Variants in ERAP1 observed in about 807,000 individuals in gnomAD.
ERAP1 encodes the protein adipocyte-derived leucine aminopeptidase.
In ERAP1, 86 loss-of-function variants were observed where a neutral mutation model predicts 103.7. The ratio of observed to expected loss-of-function variants is 0.83; its 90% CI spans 0.70 to 0.99. The LOEUF is 0.99. Among genes scored for constraint, ERAP1 ranks in the 50% least tolerant of loss-of-function variants. ERAP1 has a pLI of 0.00. For synonymous variants in ERAP1, 398 were observed against 402.4 expected, an observed-to-expected ratio of 0.99 and a Z score of 0.13; for missense variants, 1,009 against 1,128.4, an observed-to-expected ratio of 0.89 and a Z score of 1.52.
chr5:96,793,856 C>T lies in ERAP1; in HGVS notation c.1021G>A (p.Ala341Thr). Reference sequence around the variant, plus strand: ...ATTGTGATGCCAAGCTTACTTGATGCAGAAGACTTTTCTGCATCAAACAAC... The same window carrying T: ...ATTGTGATGCCAAGCTTACTTGATGTAGAAGACTTTTCTGCATCAAACAAC... The part of the protein sequence containing the change: ...ALLFDAEKSS[A>T]SSKLGITMTV... The change falls in exon 6 of 19, where the codon GCA (alanine) becomes ACA (threonine). Residue 341 changes from alanine (A) to threonine (T), a missense_variant. Ala to Thr is a moderately conservative substitution (Grantham distance 58). Around this residue, in one of 3 missense-constraint regions of ERAP1, gnomAD observed 392 missense variants for 455.2 expected, o/e 0.86. Coordinates refer to ENST00000443439, the MANE Select transcript of ERAP1 (RefSeq NM_001040458.3). 1 of 1,614,124 alleles carries T rather than the reference C, an allele frequency of 6.2e-7. No individual in the cohort carries two copies. Among genetic ancestry groups the T allele is most frequent in the Non-Finnish European group, 8.5e-7 (1 of 1,179,982 alleles).
At chr5:96,830,434 C>A in the ERAP1 span, among the ~76,000 whole-genome samples, 2 of 152,132 alleles carry the variant, frequency 1.3e-5, no homozygotes, top group Non-Finnish European at 2.9e-5. Flanking sequence ...GGAACGTGAG[C>A]AAGGATGCTC....
At chr5:96,808,520 C>T (rs558451372), upstream of ERAP1, among the ~76,000 whole-genome samples, 3 of 152,098 alleles carry the variant, frequency 2.0e-5, no homozygotes, top group South Asian at 6.2e-4. Flanking sequence ...CAAAGTGCCG[C>T]ACCTTCTGGG....
At chr5:96,819,475 G>A in the ERAP1 span, among the ~76,000 whole-genome samples, 1 of 152,312 alleles carries the variant, frequency 6.6e-6, no homozygotes, top group Admixed American at 6.5e-5. Context: ...GAGAGCCTGT[G>A]GCTCCAGAGG....
chr5:96,772,673 G>T (rs1228750907), downstream of ERAP1: 1 of 152,628 alleles, frequency 6.6e-6, no homozygotes, highest in Non-Finnish European at 1.5e-5. Context: ...CTGGTGGATG[G>T]TGACTTTTGA....
the ERAP1 span, among the ~76,000 whole-genome samples, chr5:96,822,177 G>C: frequency 6.6e-6 from 1 of 151,870 alleles, no homozygotes; most frequent in African/African-American, 2.4e-5. Context: ...CATTTATCTT[G>C]CTTCTAATCA....
At chr5:96,918,706 G>C in the ERAP1 span, 3 of 152,154 alleles carry the variant, frequency 2.0e-5, no homozygotes, top group African/African-American at 7.2e-5. Flanking sequence ...TGCCCTCACA[G>C]AGACACAAGA....
the ERAP1 span, among the ~76,000 whole-genome samples, chr5:96,885,830 C>T: frequency 6.6e-6 from 1 of 152,198 alleles, no homozygotes; most frequent in African/African-American, 2.4e-5. Context: ...ACAAGCTGCC[C>T]AGACCAAATG....
At chr5:96,888,176 T>A in the ERAP1 span, among the ~76,000 whole-genome samples, 1 of 151,006 alleles carries the variant, frequency 6.6e-6, no homozygotes, top group Non-Finnish European at 1.5e-5. Context: ...AAGAAAAATC[T>A]GTATAAAGTA....
the ERAP1 span, among the ~76,000 whole-genome samples, chr5:96,932,768 A>G: frequency 6.6e-6 from 1 of 152,226 alleles, no homozygotes; most frequent in Non-Finnish European, 1.5e-5. Context: ...CTTTAAACAA[A>G]TGCAATTTGT....
chr5:96,858,710 T>C, the ERAP1 span, among the ~76,000 whole-genome samples: 2 of 152,184 alleles, frequency 1.3e-5, no homozygotes, highest in African/African-American at 4.8e-5. Context: ...ATTGCACCTG[T>C]TATACCTGCT....
In ERAP1 at chr5:96,776,367, A is replaced by G. The variant is rs201808461; in HGVS notation, c.*29T>C. ...CTCAACAAAATGTTGGTGATTAGAG[A>G]TAACAGGAACCTGGCAAGGGAGGAA... is the stretch of plus-strand genomic sequence containing the variant. On this transcript the variant is annotated 3_prime_UTR_variant, in exon 19 of 19. Transcript: ENST00000443439. The G allele has an allele frequency of 1.3e-6, 2 of 1,593,928 alleles. No homozygotes were observed. Among genetic ancestry groups the G allele is most frequent in the African/African-American group, 2.7e-5 (2 of 74,062 alleles).
At chr5:96,846,095 A>C in the ERAP1 span, among the ~76,000 whole-genome samples, 6 of 152,274 alleles carry the variant, frequency 3.9e-5, no homozygotes, top group East Asian at 1.2e-3. Flanking sequence ...AACCCAAAGG[A>C]GATCTCCAGG....
At chr5:96,803,110 C>T (rs192432953) in intron 2 of ERAP1, among the ~76,000 whole-genome samples, 48 of 152,210 alleles carry the variant, frequency 3.2e-4, no homozygotes, top group Non-Finnish European at 5.6e-4. Flanking sequence ...GAAACTAATA[C>T]ACAGTTCAGG....
the ERAP1 span, chr5:96,902,945 C>G: frequency 2.2e-4 from 34 of 155,016 alleles, no homozygotes; most frequent in Non-Finnish European, 4.1e-4. Context: ...TTTTCCGTCA[C>G]AAAGTCATGC....
the ERAP1 span, among the ~76,000 whole-genome samples, chr5:96,889,863 C>T: frequency 2.0e-5 from 3 of 147,368 alleles, no homozygotes; most frequent in South Asian, 4.3e-4. Context: ...CACACACACA[C>T]GCATTGCATA....
At chr5:96,832,534 T>C in the ERAP1 span, among the ~76,000 whole-genome samples, 11 of 152,238 alleles carry the variant, frequency 7.2e-5, no homozygotes, top group Non-Finnish European at 1.3e-4. Context: ...TTTCCACAAA[T>C]GTCTTTAAAG....
At chr5:96,854,146 T>A in the ERAP1 span, among the ~76,000 whole-genome samples, 2 of 152,152 alleles carry the variant, frequency 1.3e-5, no homozygotes, top group African/African-American at 4.8e-5. Context: ...ATCGAGCTAA[T>A]TACTTTAGTT....
At chr5:96,879,636 A>C in the ERAP1 span, 1 of 1,501,314 alleles carries the variant, frequency 6.7e-7, no homozygotes, top group East Asian at 2.3e-5. Context: ...TGCCATGAAG[A>C]ACTACGAGAT....
intron 1 of ERAP1, chr5:96,804,621 A>G (rs1778357396): frequency 6.5e-6 from 1 of 154,594 alleles, no homozygotes; most frequent in Non-Finnish European, 1.4e-5. Context: ...AAACGTATCA[A>G]TCACCTGGAT....
Sources: gnomAD v4.1 joint callset for allele counts (sites outside exome capture counted in the v4.1 genomes callset) on GRCh38, gnomAD v4.1.1 for gene constraint, gnomAD v4.1.1 regional missense constraint, MANE v1.5 for transcripts, NCBI Gene and HGNC (gene_info 2026-07-23, HGNC 2026-07-21) for gene names.